The following MADD variants were observed in gnomAD, a reference collection of about 807,000 sequenced individuals.
MADD encodes the protein MAP kinase activating death domain.
A neutral mutation model predicts 176.7 loss-of-function variants in MADD; 109 were observed. The ratio of observed to expected loss-of-function variants is 0.62; its 90% CI spans 0.53 to 0.72. The LOEUF is 0.72. MADD is among the 30% of genes least tolerant of loss of function. The pLI is 0.00. For synonymous variants in MADD, 771 were observed against 771.3 expected (o/e 1.00, Z 0.01); for missense variants, 1,914 against 2,045.5 (o/e 0.94, Z 1.24).
chr11:47,312,036 G>C (rs894655720), intron 26 of MADD, among the ~76,000 whole-genome samples, 194 bp downstream of exon 29: 2 of 152,210 alleles, frequency 1.3e-5, no homozygotes, highest in African/African-American at 2.4e-5. Context: ...TGTGTGGTCT[G>C]TGAACTGCTG....
intron 30 of MADD, among the ~76,000 whole-genome samples, chr11:47,326,076 C>T (rs1307882544): frequency 6.6e-6 from 1 of 152,172 alleles, no homozygotes; most frequent in African/African-American, 2.4e-5. Context: ...GGATTTGAAG[C>T]CCAGCTTCCA....
intron 22 of MADD, among the ~76,000 whole-genome samples, chr11:47,306,734 C>A (rs2083015932): frequency 1.3e-5 from 2 of 152,134 alleles, no homozygotes. Flanking sequence ...TTCTGATACA[C>A]CCCCACAGTC....
upstream of MADD, chr11:47,269,874 G>A (rs921341501): frequency 3.3e-5 from 5 of 152,136 alleles, no homozygotes; most frequent in Non-Finnish European, 7.3e-5. Context: ...GACCCCGTCG[G>A]GTGAGAGTCT....
intron 22 of MADD, among the ~76,000 whole-genome samples, chr11:47,304,945 G>A (rs1159922369): frequency 6.6e-6 from 1 of 152,110 alleles, no homozygotes; most frequent in Non-Finnish European, 1.5e-5. Flanking sequence ...GTTGGGAAGG[G>A]TATGGCAACT....
At chr11:47,308,796 G>A (rs2140767768) in intron 23 of MADD, 97 bp downstream of exon 25, 1 of 1,118,608 alleles carries the variant, frequency 8.9e-7, no homozygotes, top group Non-Finnish European at 1.3e-6. Context: ...TCTTTCTGCT[G>A]ATCTTAATGC....
At chr11:47,282,460 C>G in exon 9 of MADD, 1 of 1,614,214 alleles carries the variant, frequency 6.2e-7, no homozygotes, top group Non-Finnish European at 8.5e-7. Flanking sequence ...GCGCCTCTTT[C>G]CTCGGCCTGT....
chr11:47,299,297 C>T (rs1296574545), intron 22 of MADD, among the ~76,000 whole-genome samples: 1 of 152,038 alleles, frequency 6.6e-6, no homozygotes, highest in African/African-American at 2.4e-5. Context: ...AATCCATGAA[C>T]ATGGTATATC....
rs774094470 is a variant in MADD at position 47,290,834 on chromosome 11, T to C, written c.3301+18T>C. 10 of 1,585,684 alleles carry C rather than the reference T, an allele frequency of 6.3e-6. No individual in the cohort carries two copies. Among genetic ancestry groups the C allele is most frequent in the Non-Finnish European group, 7.8e-6 (9 of 1,156,862 alleles). ...ATCTATTGGTACGTATCAGTGTGTT[T>C]GGTGTGGTGGAGGGGTCCTGGCTTC... is the stretch of plus-strand genomic sequence containing the variant. On this transcript the variant is annotated intron_variant, in intron 19 of 32. Transcript: ENST00000402192.
intron 6 of MADD, 138 bp downstream of exon 6, chr11:47,278,416 C>A: frequency 1.5e-6 from 1 of 656,552 alleles, no homozygotes; most frequent in Non-Finnish European, 2.7e-6. Flanking sequence ...CTTACTGAAA[C>A]AAGTTTTTTT....
In MADD at chr11:47,328,972, C is replaced by T. The variant is rs912992110; in HGVS notation, c.4660-74C>T. On this transcript the variant is annotated intron_variant, in intron 32 of 32. Transcript: ENST00000402192. ...TGCCCAGTGTTAGGGCAGGAGTTGC[C>T]CATTGGCAGATCCTTCACATATGGA... 8 of 1,294,704 alleles carry T rather than the reference C, an allele frequency of 6.2e-6. No homozygotes were observed. In the Middle Eastern group the frequency reaches 5.5e-4, roughly 89 times the overall value. 80.2% of individuals were successfully genotyped at this position (1,294,704 alleles called of 1,614,324 possible). A position where few individuals can be genotyped will look rare whatever the true frequency, so the allele number is the denominator to read the frequency against.
chr11:47,276,704 G>A, intron 4 of MADD, 28 bp from the exon 5 acceptor site: 1 of 1,610,298 alleles, frequency 6.2e-7, no homozygotes, highest in Non-Finnish European at 8.5e-7. Flanking sequence ...ATGTTTTGGA[G>A]TGATTCTTAC....
chr11:47,308,751 A>G (rs2085285087), intron 23 of MADD, 52 bp downstream of exon 25: 2 of 1,430,074 alleles, frequency 1.4e-6, no homozygotes, highest in Middle Eastern at 1.8e-4. Flanking sequence ...TGACTCAGCC[A>G]GGGGAGAGGG....
At chr11:47,296,541 A>T (rs917836307) in intron 22 of MADD, among the ~76,000 whole-genome samples, 2 of 152,196 alleles carry the variant, frequency 1.3e-5, no homozygotes, top group African/African-American at 4.8e-5. Flanking sequence ...GAAGTGATTT[A>T]CTAAGTGCCA....
chr11:47,311,460 T>C (rs1244854693), intron 25 of MADD, among the ~76,000 whole-genome samples: 1 of 152,198 alleles, frequency 6.6e-6, no homozygotes, highest in Non-Finnish European at 1.5e-5. Context: ...GTTGTGGTAT[T>C]GAGTGGGGAT....
chr11:47,285,314 C>G (rs2059839257), intron 13 of MADD, 120 bp downstream of exon 13: 2 of 1,550,876 alleles, frequency 1.3e-6, no homozygotes, highest in African/African-American at 1.4e-5. Context: ...CTGCCATCCC[C>G]AGAGGATGGT....
intron 7 of MADD, 46 bp downstream of exon 7, chr11:47,279,125 G>T: frequency 6.4e-7 from 1 of 1,562,050 alleles, no homozygotes; most frequent in East Asian, 2.3e-5. Flanking sequence ...AGATGCTGTG[G>T]GATTCCTATA....
Position 47,286,511 on chromosome 11 carries a change from C to CCA in MADD, c.2632_2633dup (p.Pro879ArgfsTer6). 2 of 1,613,784 alleles carry CCA rather than the reference C, an allele frequency of 1.2e-6. No homozygotes were observed. Among genetic ancestry groups the CCA allele is most frequent in the Non-Finnish European group, 1.7e-6 (2 of 1,179,678 alleles). ...CCCACCAAAGGTGCCCGAGAGAAGG[C>CCA]CACGCCCTTCCCCAGTCTGAAAGGT... On this transcript the variant is annotated frameshift_variant, in exon 15 of 33. Coordinates refer to ENST00000402192, the Ensembl canonical transcript of MADD. LOFTEE classifies it high-confidence loss of function.
Position 47,285,513 on chromosome 11 carries a change from ACT to A in MADD, c.2478_2479del (p.Arg827GlyfsTer72). Reference sequence around the variant, plus strand: ...GCAAGTGACTCAGATGCAGAGTCAGACTCTCGGGCAAGCTCTCCCAACTCCAC... The same window carrying A: ...GCAAGTGACTCAGATGCAGAGTCAGACTCGGGCAAGCTCTCCCAACTCCAC... On this transcript the variant is annotated frameshift_variant, in exon 14 of 33. Coordinates refer to ENST00000402192, the Ensembl canonical transcript of MADD. LOFTEE classifies it high-confidence loss of function. The A allele has an allele frequency of 6.2e-7, 1 of 1,614,020 alleles. No homozygotes were observed. The highest frequency in any genetic ancestry group is 8.5e-7 in the Non-Finnish European group (1 of 1,180,010).
At chr11:47,294,166 A>G (rs758301971) in intron 20 of MADD, among the ~76,000 whole-genome samples, 183 bp downstream of exon 22, 20 of 147,932 alleles carry the variant, frequency 1.4e-4, no homozygotes, top group Non-Finnish European at 2.2e-4. Flanking sequence ...CCTGACCAAC[A>G]TGGTGAAACC....
Sources: allele counts gnomAD v4.1 joint callset (sites outside exome capture counted in the v4.1 genomes callset), GRCh38; gene constraint gnomAD v4.1.1; transcripts MANE v1.5; gene names NCBI Gene and HGNC (gene_info 2026-07-23, HGNC 2026-07-21).